C12orf50: variants seen among roughly 807,000 people sequenced by gnomAD.
The protein encoded by C12orf50 is zinc finger CCCH-type containing 11D.
Under a neutral mutation model 61.6 loss-of-function variants are expected in C12orf50, and 35 were observed. The observed-to-expected ratio is 0.57, with a 90% CI of 0.43 to 0.75. The LOEUF (loss-of-function observed/expected upper bound fraction) is 0.75, where lower values mean the gene tolerates loss of function less well. Ranked by LOEUF, C12orf50 falls within the 30% of genes least tolerant of loss-of-function variation. C12orf50 has a pLI of 0.00. For missense variants in C12orf50, 475 were observed against 488.5 expected (o/e 0.97, Z 0.26); for synonymous variants, 178 against 161.5 (o/e 1.10, Z -0.77).
chr12:88,018,803 T>C (rs1459381063), intron 3 of C12orf50, among the ~76,000 whole-genome samples: 1 of 152,252 alleles, frequency 6.6e-6, no homozygotes, highest in Non-Finnish European at 1.5e-5. Context: ...TGCTGGATTT[T>C]GGACTTGCAT....
At chr12:88,026,215 G>T (rs138660052) in intron 3 of C12orf50, among the ~76,000 whole-genome samples, 2 of 152,128 alleles carry the variant, frequency 1.3e-5, no homozygotes, top group Non-Finnish European at 2.9e-5. Flanking sequence ...ATTTAGTGAG[G>T]TCAGTAGCTG....
At chr12:88,024,670 A>G (rs1319435017) in intron 3 of C12orf50, among the ~76,000 whole-genome samples, 1 of 152,184 alleles carries the variant, frequency 6.6e-6, no homozygotes, top group Non-Finnish European at 1.5e-5. Context: ...ATCAGATAGT[A>G]TGCTTATTAC....
chr12:87,996,312 TCA>T, intron 6 of C12orf50, 60 bp downstream of exon 6: 1 of 1,105,658 alleles, frequency 9.0e-7, no homozygotes, highest in Non-Finnish European at 1.4e-6. Flanking sequence ...ACTAAATAAT[TCA>T]GTCTATCACA....
At chr12:88,014,766 A>G (rs934352794) in intron 3 of C12orf50, among the ~76,000 whole-genome samples, 1 of 152,242 alleles carries the variant, frequency 6.6e-6, no homozygotes, top group Non-Finnish European at 1.5e-5. Context: ...ATGATTAAAT[A>G]AAATCAGGCA....
chr12:88,026,203 C>G (rs2032700950), intron 3 of C12orf50, among the ~76,000 whole-genome samples: 1 of 152,144 alleles, frequency 6.6e-6, no homozygotes, highest in Non-Finnish European at 1.5e-5. Flanking sequence ...CAGCCTCCTT[C>G]TATTTAGTGA....
At chr12:88,023,334 T>G (rs2032586719) in intron 3 of C12orf50, among the ~76,000 whole-genome samples, 1 of 152,048 alleles carries the variant, frequency 6.6e-6, no homozygotes, top group African/African-American at 2.4e-5. Flanking sequence ...AACCCCTACC[T>G]TATACCACAT....
intron 8 of C12orf50, 35 bp from the exon 9 acceptor site, chr12:87,988,001 A>T: frequency 1.4e-6 from 2 of 1,402,304 alleles, no homozygotes; most frequent in Non-Finnish European, 2.0e-6. Flanking sequence ...AAATGTCAAT[A>T]TTAGTTTTTA....
At chr12:87,993,583 G>C (rs61942335) in intron 7 of C12orf50, among the ~76,000 whole-genome samples, 1 of 152,008 alleles carries the variant, frequency 6.6e-6, no homozygotes, top group African/African-American at 2.4e-5. Context: ...AAAAAAAAGG[G>C]CAGTGGGGGG....
intron 11 of C12orf50, 158 bp downstream of exon 11, chr12:87,985,692 T>C: frequency 1.4e-6 from 1 of 704,774 alleles, no homozygotes; most frequent in Non-Finnish European, 2.5e-6. Context: ...TGTGCAGGAC[T>C]GCACATGGAA....
intron 7 of C12orf50, among the ~76,000 whole-genome samples, chr12:87,991,079 G>A (rs924576922): frequency 2.4e-4 from 36 of 152,036 alleles, no homozygotes; most frequent in African/African-American, 7.7e-4. Context: ...GGTCTTGTCC[G>A]AGGAATAAGG....
intron 11 of C12orf50, chr12:87,983,480 G>A (rs1404716534): frequency 5.9e-6 from 1 of 169,448 alleles, no homozygotes; most frequent in Admixed American, 6.2e-5. Flanking sequence ...CCATGCTGGT[G>A]TGCTGCACCC....
chr12:88,003,625 G>A (rs895496108), intron 3 of C12orf50, among the ~76,000 whole-genome samples: 1 of 151,886 alleles, frequency 6.6e-6, no homozygotes, highest in African/African-American at 2.4e-5. Context: ...TTTTCTTTCA[G>A]TCTACAGTGA....
At chr12:88,017,150 A>G (rs1260233048) in intron 3 of C12orf50, among the ~76,000 whole-genome samples, 1 of 152,218 alleles carries the variant, frequency 6.6e-6, no homozygotes, top group African/African-American at 2.4e-5. Flanking sequence ...GTCCCTACCC[A>G]AATCTCATCT....
chr12:88,014,338 G>A (rs1470549838), intron 3 of C12orf50, among the ~76,000 whole-genome samples: 1 of 152,010 alleles, frequency 6.6e-6, no homozygotes, highest in East Asian at 1.9e-4. Flanking sequence ...GTCTCGCTCT[G>A]TTGCCCAGGC....
In C12orf50 at chr12:88,001,640, T is replaced by A. The variant is rs893799355; in HGVS notation, c.134-3450A>T. 4.6e-5 allele frequency among the ~76,000 whole-genome samples: 7 copies of A among 151,588 alleles called. No individual in the cohort carries two copies. The East Asian group carries it at 9.7e-4, about 21-fold the overall frequency. On this transcript the variant is annotated intron_variant, in intron 3 of 12. Coordinates refer to ENST00000298699, the MANE Select transcript of C12orf50 (RefSeq NM_152589.3). ...TGAGCCCAGATTTTAATTGTGGCAA[T>A]GTTTTCAAATACCCAATCAATCTCT...
At chr12:87,996,812 T>C (rs912576442) in intron 4 of C12orf50, among the ~76,000 whole-genome samples, 166 bp from the exon 5 acceptor site, 1 of 152,218 alleles carries the variant, frequency 6.6e-6, no homozygotes, top group Non-Finnish European at 1.5e-5. Flanking sequence ...AATTGCTACA[T>C]TTTAAGTATT....
At chr12:87,988,085 T>C in intron 8 of C12orf50, 119 bp from the exon 9 acceptor site, 1 of 458,722 alleles carries the variant, frequency 2.2e-6, no homozygotes, top group Non-Finnish European at 3.7e-6. Flanking sequence ...ATAATATATA[T>C]ATTTATGAAT....
intron 8 of C12orf50, among the ~76,000 whole-genome samples, chr12:87,988,985 T>C (rs2136412153): frequency 6.6e-6 from 1 of 152,244 alleles, no homozygotes; most frequent in South Asian, 2.1e-4. Context: ...ATATTATAAA[T>C]TAAAGGACTT....
intron 3 of C12orf50, among the ~76,000 whole-genome samples, chr12:88,025,556 A>G (rs990647100): frequency 1.1e-4 from 16 of 152,168 alleles, no homozygotes; most frequent in African/African-American, 1.9e-4. Flanking sequence ...TAACCCAACC[A>G]GCATGGTTGT....
Sources: gnomAD v4.1 joint callset for allele counts (sites outside exome capture counted in the v4.1 genomes callset) on GRCh38, gnomAD v4.1.1 for gene constraint, MANE v1.5 for transcripts, NCBI Gene and HGNC (gene_info 2026-07-23, HGNC 2026-07-21) for gene names.